Variants in ST18 observed in about 807,000 individuals in gnomAD.
The protein encoded by ST18 is ST18 C2H2C-type zinc finger transcription factor.
A neutral mutation model predicts 110.0 loss-of-function variants in ST18; 50 were observed. That is an observed-to-expected ratio of 0.45 (90% CI 0.36 to 0.58). The LOEUF is 0.58. Among genes scored for constraint, ST18 ranks in the 20% least tolerant of loss-of-function variants. The pLI is 0.00. For synonymous variants in ST18, 461 were observed against 452.4 expected, an observed-to-expected ratio of 1.02 and a Z score of -0.24; for missense variants, 1,306 against 1,280.1, an observed-to-expected ratio of 1.02 and a Z score of -0.31.
chr8:52,171,976 G>A lies in ST18; in HGVS notation c.885C>T (p.Asp295=). The change falls in exon 10 of 26, where the codon GAC becomes GAT. Residue 295 remains aspartate, a synonymous_variant. Transcript: ENST00000689386. ...SLAVMTEEGS[D]LEKAKGNLSL... ...TTAAATTCCCCTTGGCCTTTTCCAG[G>A]TCACTACCCTCTTCCGTCATTACTG... is the stretch of plus-strand genomic sequence containing the variant. The A allele has an allele frequency of 6.2e-7, 1 of 1,614,140 alleles. No individual in the cohort carries two copies. The highest frequency in any genetic ancestry group is 8.5e-7 in the Non-Finnish European group (1 of 1,180,036).
chr8:52,135,911 T>C (rs927835845), intron 19 of ST18, among the ~76,000 whole-genome samples: 1 of 152,220 alleles, frequency 6.6e-6, no homozygotes, highest in Non-Finnish European at 1.5e-5. Context: ...TTATTATTTG[T>C]AAAAAGATGT....
intron 2 of ST18, among the ~76,000 whole-genome samples, chr8:52,289,364 G>T (rs2095519006): frequency 6.6e-6 from 1 of 152,214 alleles, no homozygotes; most frequent in South Asian, 2.1e-4. Context: ...GGACGCTGAG[G>T]CAGGAGAATC....
At chr8:52,382,275 G>T (rs1590492516) in intron 2 of ST18, among the ~76,000 whole-genome samples, 1 of 152,152 alleles carries the variant, frequency 6.6e-6, no homozygotes, top group Admixed American at 6.5e-5. Flanking sequence ...AATAAATAGG[G>T]CTAGAGGCAT....
At chr8:52,255,750 T>G (rs767147851) in intron 2 of ST18, among the ~76,000 whole-genome samples, 2 of 152,218 alleles carry the variant, frequency 1.3e-5, no homozygotes, top group Non-Finnish European at 2.9e-5. Context: ...TAGAAGAGAA[T>G]AGCTGTGAAA....
chr8:52,328,006 G>A (rs565737819), intron 2 of ST18, among the ~76,000 whole-genome samples: 1 of 152,310 alleles, frequency 6.6e-6, no homozygotes, highest in South Asian at 2.1e-4. Flanking sequence ...TGGAAAATGG[G>A]AGGAGGAATG....
intron 2 of ST18, among the ~76,000 whole-genome samples, chr8:52,232,529 A>G (rs964501454): frequency 4.6e-5 from 7 of 152,078 alleles, no homozygotes; most frequent in African/African-American, 1.7e-4. Flanking sequence ...TACTTTCCAA[A>G]TGGTGCAACG....
chr8:52,296,541 C>A (rs575408266), intron 2 of ST18: 2 of 152,108 alleles, frequency 1.3e-5, no homozygotes, highest in African/African-American at 4.8e-5. Flanking sequence ...GAGTTCTGAC[C>A]GTCACTTACT....
chr8:52,334,304 TC>T (rs1811033229), intron 2 of ST18, among the ~76,000 whole-genome samples: 1 of 152,186 alleles, frequency 6.6e-6, no homozygotes, highest in Non-Finnish European at 1.5e-5. Flanking sequence ...TTCCTAATTC[TC>T]CCTTGATAGT....
At chr8:52,395,727 C>T (rs1322163377) in intron 2 of ST18, among the ~76,000 whole-genome samples, 1 of 152,200 alleles carries the variant, frequency 6.6e-6, no homozygotes, top group African/African-American at 2.4e-5. Context: ...CTGGCCAAAC[C>T]TGTTCTTGGG....
intron 15 of ST18, among the ~76,000 whole-genome samples, chr8:52,153,508 A>C (rs1439879182): frequency 6.6e-6 from 1 of 152,260 alleles, no homozygotes; most frequent in African/African-American, 2.4e-5. Context: ...AACAGATGAA[A>C]TGAAAATATC....
chr8:52,231,158 T>C (rs1238005141), intron 2 of ST18, among the ~76,000 whole-genome samples: 1 of 152,242 alleles, frequency 6.6e-6, no homozygotes, highest in Non-Finnish European at 1.5e-5. Context: ...TGTGTATGTA[T>C]GCATATATAT....
chr8:52,301,743 A>G (rs1225766552), intron 2 of ST18: 1 of 152,246 alleles, frequency 6.6e-6, no homozygotes, highest in Non-Finnish European at 1.5e-5. Context: ...ATTTGCAGAT[A>G]TTATGATCTG....
chr8:52,272,132 G>T (rs1395203653), intron 2 of ST18, among the ~76,000 whole-genome samples: 1 of 152,136 alleles, frequency 6.6e-6, no homozygotes, highest in Non-Finnish European at 1.5e-5. Context: ...AAAGTTTCAT[G>T]GCATTATTCT....
intron 2 of ST18, among the ~76,000 whole-genome samples, chr8:52,247,130 C>T (rs1010867864): frequency 2.0e-5 from 3 of 152,096 alleles, no homozygotes; most frequent in Non-Finnish European, 4.4e-5. Flanking sequence ...CTACTACAGT[C>T]CTCTGAACTA....
At chr8:52,273,489 G>A (rs1330397873) in intron 2 of ST18, among the ~76,000 whole-genome samples, 1 of 152,056 alleles carries the variant, frequency 6.6e-6, no homozygotes, top group Non-Finnish European at 1.5e-5. Context: ...ACAATAGTAC[G>A]GGTTAACTCA....
intron 24 of ST18, 94 bp downstream of exon 24, chr8:52,118,244 C>G (rs1340453063): frequency 1.3e-6 from 1 of 779,154 alleles, no homozygotes; most frequent in Non-Finnish European, 2.1e-6. Context: ...TCTAAGTTAC[C>G]ATATATTTTC....
chr8:52,263,761 T>A lies in ST18; in HGVS notation c.-464-33684A>T, dbSNP rs1263828756. On this transcript the variant is annotated intron_variant, in intron 2 of 25. Transcript: ENST00000689386. The stretch of plus-strand genomic sequence containing the variant: ...TGCCTGGCTTTTTTTTTTTTTTTTT[T>A]TTTGAGACAGAGTCTTGCTCTGTCA... Among the ~76,000 whole-genome samples, 11 of 145,936 alleles carry A rather than the reference T, an allele frequency of 7.5e-5. No individual in the cohort carries two copies. In the East Asian group the frequency reaches 2.0e-3, roughly 26 times the overall value.
At position 52,379,565 on chromosome 8, in the gene ST18, T is replaced by C. The variant is rs142391232; in HGVS notation, c.-465+29763A>G. On this transcript the variant is annotated intron_variant, in intron 2 of 25. Transcript: ENST00000689386. ...CAATTTTGGGGACTTTTGCAACACT[T>C]CAAAAAAACATGCAGATGGATTTTG... Among the ~76,000 whole-genome samples, 1,367 of 151,654 alleles carry C rather than the reference T, an allele frequency of 9.0e-3. 23 individuals carry two copies. The highest frequency in any genetic ancestry group is 0.031 in the African/African-American group (1,288 of 41,326).
chr8:52,256,134 C>T (rs1261406127), intron 2 of ST18, among the ~76,000 whole-genome samples: 2 of 152,246 alleles, frequency 1.3e-5, no homozygotes, highest in African/African-American at 2.4e-5. Context: ...TGCAACACTA[C>T]ATGCTTTACC....
Sources: allele counts gnomAD v4.1 joint callset (sites outside exome capture counted in the v4.1 genomes callset), GRCh38; gene constraint gnomAD v4.1.1; transcripts MANE v1.5; gene names NCBI Gene and HGNC (gene_info 2026-07-23, HGNC 2026-07-21).